Variants in METTL9 observed in about 807,000 individuals in gnomAD.
METTL9 encodes protein-L-histidine N-pros-methyltransferase.
A neutral mutation model predicts 36.0 loss-of-function variants in METTL9; 10 were observed. The observed-to-expected ratio is 0.28, with a 90% CI of 0.17 to 0.47. METTL9 has a LOEUF of 0.47. METTL9 is among the 20% of genes least tolerant of loss of function. The pLI is 0.99. For missense variants in METTL9, 246 were observed against 383.5 expected (o/e 0.64, Z 3.00); for synonymous variants, 175 against 149.7 (o/e 1.17, Z -1.23).
At chr16:21,620,449 A>C (rs1965666920) in intron 3 of METTL9, among the ~76,000 whole-genome samples, 1 of 152,194 alleles carries the variant, frequency 6.6e-6, no homozygotes, top group African/African-American at 2.4e-5. Flanking sequence ...CCCTTAAAAA[A>C]ATCCATGCTT....
intron 1 of METTL9, among the ~76,000 whole-genome samples, chr16:21,601,966 C>T (rs892396605): frequency 7.2e-5 from 11 of 152,110 alleles, no homozygotes. Flanking sequence ...GTAGAAACCA[C>T]CATGAGATAA....
In METTL9 at chr16:21,638,149, C is replaced by A. The variant is rs575374484; in HGVS notation, c.751+13034C>A. 5.3e-5 allele frequency among the ~76,000 whole-genome samples: 8 copies of A among 152,212 alleles called. No homozygotes were observed. The East Asian group carries it at 1.4e-3, about 26-fold the overall frequency. On this transcript the variant is annotated intron_variant, in intron 4 of 4. Transcript: ENST00000358154. ...CCTGGCCAACAGAGTGAAACCCCAT[C>A]TCTACTAAAAATACAAAAATTAGCC... is the stretch of plus-strand genomic sequence containing the variant.
chr16:21,651,020 G>A (rs1263529642), intron 4 of METTL9, among the ~76,000 whole-genome samples: 4 of 152,122 alleles, frequency 2.6e-5, no homozygotes, highest in Non-Finnish European at 4.4e-5. Context: ...TCAGGAGATC[G>A]AGACCATCCT....
At chr16:21,635,827 C>T (rs553851948) in intron 4 of METTL9, among the ~76,000 whole-genome samples, 12 of 152,156 alleles carry the variant, frequency 7.9e-5, no homozygotes, top group Non-Finnish European at 1.2e-4. Flanking sequence ...CAGCAGTCCC[C>T]GGACCCTGCT....
upstream of METTL9, chr16:21,599,548 G>A (rs935903436): frequency 6.3e-5 from 81 of 1,280,758 alleles, 1 homozygote; most frequent in Admixed American, 7.9e-4. The surrounding 1 kb of genome is among the most constrained non-coding windows in gnomAD (Gnocchi z 4.4). Context: ...AGGGAAGGGG[G>A]AGGTGCCGAG....
chr16:21,630,780 A>G (rs1456971039), intron 4 of METTL9, among the ~76,000 whole-genome samples: 1 of 152,192 alleles, frequency 6.6e-6, no homozygotes, highest in Non-Finnish European at 1.5e-5. Flanking sequence ...AAGAAGGTTA[A>G]AATTACAGGG....
intron 4 of METTL9, chr16:21,643,297 T>C: frequency 4.5e-6 from 3 of 659,430 alleles, no homozygotes; most frequent in East Asian, 2.6e-5. Context: ...TACAGTTAAC[T>C]CTTTTGTATT....
intron 4 of METTL9, among the ~76,000 whole-genome samples, chr16:21,649,658 TA>T (rs1567348524): frequency 1.3e-5 from 2 of 152,242 alleles, no homozygotes; most frequent in Admixed American, 6.5e-5. Context: ...ATAATGTTTT[TA>T]TTTTTATTTG....
In METTL9 at chr16:21,656,092, C is replaced by A; in HGVS notation, c.*660C>A. On this transcript the variant is annotated 3_prime_UTR_variant, in exon 5 of 5. Transcript: ENST00000358154. ...GACTTGGGGGAAGGGGAGATTATTG[C>A]AAATTGCAGTGAACACTGAGTCAGT... 6.6e-6 allele frequency: 1 copy of A among 150,804 alleles called. No individual in the cohort carries two copies. The allele number at this position is 150,804 out of a possible 1,614,324, so 9.3% of individuals were successfully genotyped here.
intron 4 of METTL9, chr16:21,644,192 CT>C: frequency 1.2e-6 from 1 of 839,114 alleles, no homozygotes; most frequent in East Asian, 2.5e-5. Flanking sequence ...TTAGGGAGCT[CT>C]TGCTGAGGCC....
At chr16:21,643,748 T>C in intron 4 of METTL9, 1 of 594,732 alleles carries the variant, frequency 1.7e-6, no homozygotes, top group South Asian at 2.3e-5. Context: ...GAGATGCTTT[T>C]ACTCCATTAA....
At chr16:21,617,220 C>T (rs1040465152) in intron 2 of METTL9, among the ~76,000 whole-genome samples, 1 of 151,238 alleles carries the variant, frequency 6.6e-6, no homozygotes, top group African/African-American at 2.4e-5. Context: ...AGATCGAGAC[C>T]ATCCTGGCTA....
chr16:21,645,187 T>C (rs2141615783), intron 4 of METTL9, among the ~76,000 whole-genome samples: 1 of 152,320 alleles, frequency 6.6e-6, no homozygotes, highest in Non-Finnish European at 1.5e-5. Context: ...GTGTGATGGC[T>C]CATGCCTGTA....
At chr16:21,650,969 A>T (rs1966557446) in intron 4 of METTL9, among the ~76,000 whole-genome samples, 3 of 152,226 alleles carry the variant, frequency 2.0e-5, no homozygotes, top group African/African-American at 7.2e-5. Context: ...CATGCCTGTA[A>T]TCCCAGCATT....
intron 2 of METTL9, 80 bp from the exon 3 acceptor site, chr16:21,617,785 A>ACT: frequency 8.1e-7 from 1 of 1,228,870 alleles, no homozygotes; most frequent in Non-Finnish European, 1.2e-6. Flanking sequence ...GTGCTGAGTC[A>ACT]CTATATTCAC....
At chr16:21,632,710 C>T (rs1965993402) in intron 4 of METTL9, among the ~76,000 whole-genome samples, 1 of 152,132 alleles carries the variant, frequency 6.6e-6, no homozygotes, top group South Asian at 2.1e-4. Flanking sequence ...GTAGTCCAGA[C>T]AGTGAGATCC....
intron 4 of METTL9, among the ~76,000 whole-genome samples, chr16:21,633,370 A>G (rs1966011950): frequency 6.6e-6 from 1 of 152,198 alleles, no homozygotes; most frequent in African/African-American, 2.4e-5. Flanking sequence ...TAAATCATCC[A>G]AATACTGAAG....
At chr16:21,641,242 A>G in intron 4 of METTL9, 1 of 212,126 alleles carries the variant, frequency 4.7e-6, no homozygotes, top group Non-Finnish European at 9.3e-6. Flanking sequence ...TCAGGATGGC[A>G]GTCATCACAC....
At chr16:21,629,841 TACAGAGAGCTGATTGGTCCGTTTTG>T (rs1965906194) in intron 4 of METTL9, among the ~76,000 whole-genome samples, 3 of 151,888 alleles carry the variant, frequency 2.0e-5, no homozygotes, top group African/African-American at 7.3e-5. Context: ...TGGTCCATTT[TACAGAGAGCTGATTGGTCCGTTTTG>T]ACAGAGCGCT....
Sources: gnomAD v4.1 joint callset for allele counts (sites outside exome capture counted in the v4.1 genomes callset) on GRCh38, gnomAD v4.1.1 for gene constraint, Gnocchi (gnomAD v3.1) non-coding constraint, MANE v1.5 for transcripts, NCBI Gene and HGNC (gene_info 2026-07-23, HGNC 2026-07-21) for gene names.